TRPC4: variants seen among roughly 807,000 people sequenced by gnomAD.
TRPC4 encodes transient receptor potential cation channel subfamily C member 4.
Under a neutral mutation model 99.4 loss-of-function variants are expected in TRPC4, and 49 were observed. That is an observed-to-expected ratio of 0.49 (90% CI 0.39 to 0.63). The LOEUF (loss-of-function observed/expected upper bound fraction) is 0.63, where lower values mean the gene tolerates loss of function less well. Among genes scored for constraint, TRPC4 ranks in the 20% least tolerant of loss-of-function variants. The pLI, the probability that TRPC4 is intolerant of heterozygous loss-of-function variation, is 0.00. For synonymous variants in TRPC4, 454 were observed against 425.9 expected, an observed-to-expected ratio of 1.07 and a Z score of -0.81; for missense variants, 898 against 1,152.9, an observed-to-expected ratio of 0.78 and a Z score of 3.20.
chr13:37,715,403 T>C (rs1212870253), intron 3 of TRPC4, among the ~76,000 whole-genome samples: 1 of 152,198 alleles, frequency 6.6e-6, no homozygotes, highest in Non-Finnish European at 1.5e-5. Flanking sequence ...GCATGTATTA[T>C]ATGAAGTGTC....
At chr13:37,790,944 C>T (rs1957102368) in intron 1 of TRPC4, among the ~76,000 whole-genome samples, 1 of 151,824 alleles carries the variant, frequency 6.6e-6, no homozygotes, top group South Asian at 2.1e-4. Context: ...AGAGGTATTG[C>T]TTTAAAAATA....
intron 2 of TRPC4, among the ~76,000 whole-genome samples, chr13:37,767,577 T>A (rs1385906416): frequency 6.6e-6 from 1 of 151,216 alleles, no homozygotes; most frequent in African/African-American, 2.4e-5. Flanking sequence ...GAGGTCAAAT[T>A]GAAGAAAAAT....
At chr13:37,842,763 G>T (rs142435964) in intron 1 of TRPC4, among the ~76,000 whole-genome samples, 1 of 152,214 alleles carries the variant, frequency 6.6e-6, no homozygotes, top group East Asian at 1.9e-4. Flanking sequence ...TCACTTTCAG[G>T]GTTAAGATTT....
intron 1 of TRPC4, among the ~76,000 whole-genome samples, chr13:37,859,568 A>G (rs1959210614): frequency 6.6e-6 from 1 of 151,538 alleles, no homozygotes; most frequent in Admixed American, 6.6e-5. Context: ...GTAGAAGTTG[A>G]AAGTCAATTT....
At chr13:37,728,577 G>A (rs1159114420) in intron 3 of TRPC4, among the ~76,000 whole-genome samples, 3 of 151,982 alleles carry the variant, frequency 2.0e-5, no homozygotes, top group Admixed American at 6.6e-5. Context: ...TGGATTGGAA[G>A]ACTTAATAGT....
chr13:37,776,206 AT>A (rs1255782347), intron 2 of TRPC4, among the ~76,000 whole-genome samples: 3 of 151,828 alleles, frequency 2.0e-5, no homozygotes, highest in Non-Finnish European at 4.4e-5. Flanking sequence ...ATTCAATTTA[AT>A]TTTTAGACAT....
chr13:37,658,881 G>T (rs1269140570), intron 6 of TRPC4, among the ~76,000 whole-genome samples: 1 of 152,106 alleles, frequency 6.6e-6, no homozygotes, highest in Non-Finnish European at 1.5e-5. Context: ...TGGGCATTCA[G>T]TCAGGGAGAA....
chr13:37,778,717 T>G (rs1233064290), intron 2 of TRPC4, among the ~76,000 whole-genome samples: 1 of 152,040 alleles, frequency 6.6e-6, no homozygotes, highest in Non-Finnish European at 1.5e-5. Context: ...CAAAGTCTTT[T>G]TTTCCAAAGT....
chr13:37,640,680 C>T (rs1331924862), intron 8 of TRPC4, among the ~76,000 whole-genome samples: 3 of 152,126 alleles, frequency 2.0e-5, no homozygotes, highest in African/African-American at 7.2e-5. Flanking sequence ...ATGGAGGTGT[C>T]TGACTCATAT....
intron 3 of TRPC4, among the ~76,000 whole-genome samples, chr13:37,704,197 C>T (rs1270257082): frequency 6.6e-6 from 1 of 152,000 alleles, no homozygotes; most frequent in Non-Finnish European, 1.5e-5. Flanking sequence ...TCAACAGTTG[C>T]CTACGGGGGA....
rs59525799 is a variant in TRPC4, at chr13:37,855,337, G to GATATATATAT, written c.-28+14248_-28+14257dup. ...TACACATGTAGATATATACAATGTAGATATATATATATATATATATGCACC... is the reference window on the plus strand; with the variant it reads ...TACACATGTAGATATATACAATGTAGATATATATATATATATATATATATATATATGCACC... On this transcript the variant is annotated intron_variant, in intron 1 of 10. Coordinates refer to ENST00000379705, the MANE Select transcript of TRPC4 (RefSeq NM_016179.4). Among the ~76,000 whole-genome samples the GATATATATAT allele has an allele frequency of 3.7e-3, 510 of 136,570 alleles. 3 individuals are homozygous for GATATATATAT. The highest frequency in any genetic ancestry group is 7.6e-3 in the Middle Eastern group (2 of 264). The allele number at this position is 136,570 out of a possible 152,430, so 89.6% of individuals were successfully genotyped here. A position where few individuals can be genotyped will look rare whatever the true frequency, so the allele number is the denominator to read the frequency against.
intron 3 of TRPC4, among the ~76,000 whole-genome samples, chr13:37,698,179 G>T (rs201554151): frequency 0.027 from 48 of 1,774 alleles, no homozygotes; most frequent in Non-Finnish European, 0.056. Context: ...TTTTTTTTTT[G>T]AGTGGGAATC....
intron 3 of TRPC4, among the ~76,000 whole-genome samples, chr13:37,708,435 G>A (rs1174589580): frequency 2.6e-5 from 4 of 151,762 alleles, no homozygotes; most frequent in Non-Finnish European, 4.4e-5. Flanking sequence ...TTATATTTCT[G>A]TCAGGATAAA....
intron 2 of TRPC4, among the ~76,000 whole-genome samples, chr13:37,752,676 C>T (rs957395898): frequency 6.6e-6 from 1 of 151,518 alleles, no homozygotes; most frequent in African/African-American, 2.4e-5. Context: ...TTCATTTGTA[C>T]ACAAATGGTC....
At chr13:37,832,397 T>A (rs1275695534) in intron 1 of TRPC4, among the ~76,000 whole-genome samples, 4 of 151,688 alleles carry the variant, frequency 2.6e-5, no homozygotes, top group Non-Finnish European at 5.9e-5. Context: ...AAAAAGAAAA[T>A]TAGCTGGGCG....
At chr13:37,847,620 C>T (rs188767161) in intron 1 of TRPC4, among the ~76,000 whole-genome samples, 18 of 152,012 alleles carry the variant, frequency 1.2e-4, no homozygotes, top group Non-Finnish European at 2.4e-4. Flanking sequence ...CATCACAATG[C>T]ACCCCATGAA....
intron 3 of TRPC4, among the ~76,000 whole-genome samples, chr13:37,692,573 T>C (rs1468800657): frequency 6.6e-6 from 1 of 152,180 alleles, no homozygotes; most frequent in Non-Finnish European, 1.5e-5. Context: ...GTCAAAATAC[T>C]GTGGCTGCAC....
chr13:37,832,266 G>A (rs1386904256), intron 1 of TRPC4, among the ~76,000 whole-genome samples: 9 of 152,114 alleles, frequency 5.9e-5, no homozygotes, highest in Admixed American at 5.9e-4. Flanking sequence ...TACTCAATTT[G>A]GCCACGCGCT....
intron 2 of TRPC4, among the ~76,000 whole-genome samples, chr13:37,750,122 T>G (rs1955891443): frequency 7.3e-6 from 1 of 137,196 alleles, no homozygotes; most frequent in African/African-American, 2.7e-5. Flanking sequence ...CTTTCTTTGT[T>G]CAACTTTAGC....
Sources: gnomAD v4.1 joint callset for allele counts (sites outside exome capture counted in the v4.1 genomes callset) on GRCh38, gnomAD v4.1.1 for gene constraint, MANE v1.5 for transcripts, NCBI Gene and HGNC (gene_info 2026-07-23, HGNC 2026-07-21) for gene names.